The following PIK3C2G variants were observed in gnomAD, a reference collection of about 807,000 sequenced individuals.
The protein encoded by PIK3C2G is phosphatidylinositol-4-phosphate 3-kinase catalytic subunit type 2 gamma.
PIK3C2G carries 168 observed loss-of-function variants against 181.1 expected under a neutral mutation model. That is an observed-to-expected ratio of 0.93 (90% CI 0.82 to 1.05). The LOEUF (loss-of-function observed/expected upper bound fraction) is 1.05, where lower values mean the gene tolerates loss of function less well. PIK3C2G is among the 50% of genes least tolerant of loss of function. The probability of loss-of-function intolerance (pLI) is 0.00; values close to 1 mark genes in which losing one functional copy is unlikely to be tolerated. For missense variants in PIK3C2G, 1,869 were observed against 1,732.8 expected (o/e 1.08, Z -1.40); for synonymous variants, 573 against 592.2 (o/e 0.97, Z 0.47).
rs370195319 is a variant in PIK3C2G, at chr12:18,514,128, T to C, written c.3323+8667T>C. ...ATGAGCATGTTGTTTAATTTCCACA[T>C]AGTTGAGTATTTTCCACATTTCTCC... On this transcript the variant is annotated intron_variant, in intron 24 of 32. Coordinates refer to ENST00000538779, the MANE Select transcript of PIK3C2G (RefSeq NM_001288772.2). Among the ~76,000 whole-genome samples the C allele has an allele frequency of 3.9e-5, 6 of 151,990 alleles. No individual in the cohort carries two copies. The East Asian group carries it at 1.2e-3, about 29-fold the overall frequency.
intron 26 of PIK3C2G, among the ~76,000 whole-genome samples, chr12:18,558,283 A>G (rs79725397): frequency 0.037 from 5,640 of 152,264 alleles, 215 homozygotes; most frequent in African/African-American, 0.099. Flanking sequence ...TTGTTACATT[A>G]AACATTGTTC....
rs577211347 is a variant in PIK3C2G at position 18,321,574 on chromosome 12, G to T, written c.1208+542G>T. Among the ~76,000 whole-genome samples the T allele has an allele frequency of 1.1e-4, 16 of 152,312 alleles. 1 individual carries two copies. In the South Asian group the frequency reaches 3.3e-3, roughly 32 times the overall value. ...CTAAACTGGGAGTTTGGGTGTATCT[G>T]CAGTTAAGGTTGTTGTGAGCTGAAC... is the stretch of plus-strand genomic sequence containing the variant. On this transcript the variant is annotated intron_variant, in intron 7 of 32. Coordinates refer to ENST00000538779, the MANE Select transcript of PIK3C2G (RefSeq NM_001288772.2).
At chr12:18,687,556 C>G in the PIK3C2G span, among the ~76,000 whole-genome samples, 1 of 152,084 alleles carries the variant, frequency 6.6e-6, no homozygotes, top group Admixed American at 6.6e-5. Context: ...TGATGAAAAT[C>G]TTACCAAAGT....
chr12:18,692,006 T>C, the PIK3C2G span, among the ~76,000 whole-genome samples: 2 of 152,236 alleles, frequency 1.3e-5, no homozygotes, highest in South Asian at 2.1e-4. Flanking sequence ...ACGTGGAGTG[T>C]AGCTTCCCAA....
rs375375394 is a variant in PIK3C2G, at chr12:18,488,543, G to A, written c.2599G>A (p.Asp867Asn). The change falls in exon 19 of 33, where the codon GAT becomes AAT. Residue 867 changes from aspartate to asparagine, a missense_variant. By Grantham distance (23) the Asp-to-Asn change is conservative. Transcript: ENST00000538779. ...ATTCTGTGCAGGTAAAGCCTTGAATGATGAGTTTTCCAAGGAGCAGAAACT... is the reference window on the plus strand; with the variant it reads ...ATTCTGTGCAGGTAAAGCCTTGAATAATGAGTTTTCCAAGGAGCAGAAACT... ...LQFCAGKALN[D>N]EFSKEQKLIK... 4 of 1,592,662 alleles carry A rather than the reference G, an allele frequency of 2.5e-6. No homozygotes were observed. The African/African-American group carries it at 5.4e-5, about 22-fold the overall frequency.
chr12:18,696,098 G>A, the PIK3C2G span: 1 of 997,096 alleles, frequency 1.0e-6, no homozygotes, highest in Non-Finnish European at 1.5e-6. Flanking sequence ...TTCATAAAAT[G>A]AATTCATTTT....
the PIK3C2G span, among the ~76,000 whole-genome samples, chr12:18,718,605 GC>G: frequency 4.0e-5 from 6 of 151,854 alleles, no homozygotes; most frequent in African/African-American, 1.5e-4. Context: ...TGTTTCTAAG[GC>G]TTCCTGTATC....
chr12:18,718,543 T>C, the PIK3C2G span, among the ~76,000 whole-genome samples: 104 of 152,274 alleles, frequency 6.8e-4, no homozygotes, highest in Middle Eastern at 3.4e-3. Context: ...CATTTTTCTC[T>C]CATTTAAACA....
intron 18 of PIK3C2G, among the ~76,000 whole-genome samples, chr12:18,427,399 C>A (rs2135737888): frequency 6.7e-6 from 1 of 149,862 alleles, no homozygotes; most frequent in African/African-American, 2.4e-5. Flanking sequence ...CTCAGCTACT[C>A]AGGAGGCTGA....
chr12:18,493,330 A>C (rs2136073150), intron 20 of PIK3C2G: 1 of 152,332 alleles, frequency 6.6e-6, no homozygotes, highest in East Asian at 1.9e-4. Flanking sequence ...CTATGAGAAA[A>C]TTCATACCTT....
chr12:18,507,360 G>A (rs1941901660), intron 24 of PIK3C2G, among the ~76,000 whole-genome samples: 1 of 152,106 alleles, frequency 6.6e-6, no homozygotes, highest in Admixed American at 6.6e-5. Context: ...CACTGGGAAT[G>A]GTCTGTGTGC....
At chr12:18,350,912 T>A (rs1184179445) in intron 11 of PIK3C2G, among the ~76,000 whole-genome samples, 1 of 152,158 alleles carries the variant, frequency 6.6e-6, no homozygotes, top group South Asian at 2.1e-4. Flanking sequence ...CAGGAATTAA[T>A]ACATTACTGA....
At chr12:18,426,957 T>A (rs1458508255) in intron 18 of PIK3C2G, among the ~76,000 whole-genome samples, 1 of 152,178 alleles carries the variant, frequency 6.6e-6, no homozygotes, top group Admixed American at 6.5e-5. Context: ...CTGAATGAAG[T>A]CTTATTTTCT....
intron 7 of PIK3C2G, among the ~76,000 whole-genome samples, chr12:18,321,643 A>C (rs1200145865): frequency 1.3e-5 from 2 of 152,148 alleles, no homozygotes; most frequent in African/African-American, 4.8e-5. Context: ...TAAATCTCTA[A>C]AGTAAAGGCT....
chr12:18,514,835 A>G (rs1022126734), intron 24 of PIK3C2G, among the ~76,000 whole-genome samples: 11 of 151,918 alleles, frequency 7.2e-5, no homozygotes, highest in African/African-American at 2.7e-4. Context: ...ATCTTAGAGG[A>G]ACAATTTTAA....
At chr12:18,362,561 A>G (rs1355419185) in intron 11 of PIK3C2G, among the ~76,000 whole-genome samples, 1 of 152,214 alleles carries the variant, frequency 6.6e-6, no homozygotes, top group Admixed American at 6.5e-5. Context: ...CTCTCCATGA[A>G]TAAAGGAAGG....
chr12:18,520,525 T>A (rs1942842801), intron 24 of PIK3C2G, among the ~76,000 whole-genome samples: 1 of 152,220 alleles, frequency 6.6e-6, no homozygotes, highest in African/African-American at 2.4e-5. Flanking sequence ...TACTTGTTTA[T>A]GCTTCACGAA....
intron 26 of PIK3C2G, among the ~76,000 whole-genome samples, chr12:18,553,958 A>G (rs117095990): frequency 0.012 from 1,873 of 152,182 alleles, 26 homozygotes; most frequent in Non-Finnish European, 0.02. Flanking sequence ...CATCCTATCA[A>G]TGATCCTGGG....
intron 9 of PIK3C2G, among the ~76,000 whole-genome samples, chr12:18,339,630 T>A (rs562333420): frequency 1.3e-5 from 2 of 152,150 alleles, no homozygotes; most frequent in Non-Finnish European, 2.9e-5. Flanking sequence ...ATGTAGATAA[T>A]CATATTACCA....
Sources: allele counts gnomAD v4.1 joint callset (sites outside exome capture counted in the v4.1 genomes callset), GRCh38; gene constraint gnomAD v4.1.1; transcripts MANE v1.5; gene names NCBI Gene and HGNC (gene_info 2026-07-23, HGNC 2026-07-21).